Variants in PHF2 observed in about 807,000 individuals in gnomAD.
The protein encoded by PHF2 is lysine-specific demethylase PHF2.
PHF2 carries 27 observed loss-of-function variants against 120.5 expected under a neutral mutation model. That is an observed-to-expected ratio of 0.22 (90% CI 0.17 to 0.31). The LOEUF is 0.31. Among genes scored for constraint, PHF2 ranks in the 10% least tolerant of loss-of-function variants. The pLI, the probability that PHF2 is intolerant of heterozygous loss-of-function variation, is 1.00. For synonymous variants in PHF2, 568 were observed against 592.5 expected (o/e 0.96, Z 0.60); for missense variants, 1,024 against 1,434.8 (o/e 0.71, Z 4.63).
chr9:93,675,664 C>T lies in PHF2; in HGVS notation c.2723-16C>T. 1 of 1,599,860 alleles carries T rather than the reference C, an allele frequency of 6.3e-7. No homozygotes were observed. Among genetic ancestry groups the T allele is most frequent in the Middle Eastern group, 1.7e-4 (1 of 6,006 alleles). On this transcript the variant is annotated splice_polypyrimidine_tract_variant and intron_variant, in intron 19 of 21. Transcript: ENST00000359246. The stretch of plus-strand genomic sequence containing the variant: ...GTGGCCTACAGCTTGAGGGGGCTGG[C>T]CCTTCTTTTCCACAGCAAGGGTCGG...
intron 9 of PHF2, among the ~76,000 whole-genome samples, chr9:93,657,139 A>G (rs1353479535): frequency 1.3e-5 from 2 of 151,840 alleles, no homozygotes; most frequent in African/African-American, 4.8e-5. Context: ...CCTGCCAGCC[A>G]CCACCCTGTC....
chr9:93,668,826 C>T (rs1283415649), intron 17 of PHF2, among the ~76,000 whole-genome samples: 6 of 152,230 alleles, frequency 3.9e-5, no homozygotes, highest in South Asian at 2.1e-4. Context: ...CCACTGAGGC[C>T]GCCGGCCCCC....
At chr9:93,580,918 T>C (rs1217437627) in intron 1 of PHF2, among the ~76,000 whole-genome samples, 1 of 152,010 alleles carries the variant, frequency 6.6e-6, no homozygotes, top group Non-Finnish European at 1.5e-5. Flanking sequence ...GTGTTGCATG[T>C]TGCTGTGGGG....
intron 1 of PHF2, among the ~76,000 whole-genome samples, chr9:93,619,922 C>T (rs1041442485): frequency 6.6e-5 from 10 of 152,336 alleles, no homozygotes; most frequent in African/African-American, 2.4e-4. Context: ...CAGGCACCGC[C>T]TCTCTCAGCT....
intron 1 of PHF2, among the ~76,000 whole-genome samples, chr9:93,608,673 A>T (rs576528780): frequency 1.3e-5 from 2 of 152,126 alleles, no homozygotes; most frequent in African/African-American, 4.8e-5. Context: ...TTGACAGAGT[A>T]TATCTTTTGA....
Position 93,673,704 on chromosome 9 carries a change from G to T in PHF2, c.2468G>T (p.Ser823Ile). The T allele has an allele frequency of 6.2e-7, 1 of 1,613,248 alleles. No homozygotes were observed. ...TTWGAGQAKG[S>I]SLAAHGARKN... The stretch of plus-strand genomic sequence containing the variant: ...TGGGGAGCTGGCCAGGCCAAGGGGA[G>T]CTCGCTGGCTGCCCATGGTGCCCGG... Residue 823 changes from serine (S) to isoleucine (I), a missense_variant, in exon 18 of 22, where the codon AGC becomes ATC. Transcript: ENST00000359246.
chr9:93,650,262 C>T (rs1160856833), intron 5 of PHF2, among the ~76,000 whole-genome samples: 2 of 152,020 alleles, frequency 1.3e-5, no homozygotes, highest in Non-Finnish European at 2.9e-5. Context: ...CACTTGTGGG[C>T]ACACTCATAC....
chr9:93,583,659 A>G (rs1474535989), intron 1 of PHF2, among the ~76,000 whole-genome samples: 2 of 152,104 alleles, frequency 1.3e-5, no homozygotes, highest in African/African-American at 2.4e-5. Flanking sequence ...CTACTGACCA[A>G]TGATGTTGAA....
Position 93,662,964 on chromosome 9 carries a change from G to A in PHF2, c.1756G>A (p.Val586Met), listed in dbSNP as rs1174307506. ...AGATGTGGTTCACATGCAGAATGATGTGGAGAGGCTGGAAATTCGAGAGCA... is the reference window on the plus strand; with the variant it reads ...AGATGTGGTTCACATGCAGAATGATATGGAGAGGCTGGAAATTCGAGAGCA... Reference protein sequence around the residue: ...NKDVVHMQNDVERLEIREQTK... With the variant: ...NKDVVHMQNDMERLEIREQTK... The change falls in exon 13 of 22, where the codon GTG becomes ATG. Residue 586 changes from valine to methionine, a missense_variant. By Grantham distance (21) the Val-to-Met change is conservative (BLOSUM62 1). Transcript: ENST00000359246. The A allele has an allele frequency of 6.2e-7, 1 of 1,614,026 alleles. No individual in the cohort carries two copies. The highest frequency in any genetic ancestry group is 8.5e-7 in the Non-Finnish European group (1 of 1,180,014).
In PHF2 at chr9:93,677,921, C is replaced by T; in HGVS notation, c.*245C>T. 1 of 503,120 alleles carries T rather than the reference C, an allele frequency of 2.0e-6. No homozygotes were observed. Among genetic ancestry groups the T allele is most frequent in the Non-Finnish European group, 3.5e-6 (1 of 283,462 alleles). The allele number at this position is 503,120 out of a possible 1,614,324, so 31.2% of individuals were successfully genotyped here. ...GATCTGTCCCAGAAAAGCGGCCCTG[C>T]AAGTTTGAGGACCGCTTATTCCACT... On this transcript the variant is annotated 3_prime_UTR_variant, in exon 22 of 22. Coordinates refer to ENST00000359246, the MANE Select transcript of PHF2 (RefSeq NM_005392.4). The surrounding 1 kb of genome is among the most constrained non-coding windows in gnomAD (Gnocchi z 4.4).
chr9:93,608,727 G>A (rs1825585985), intron 1 of PHF2, among the ~76,000 whole-genome samples: 1 of 152,118 alleles, frequency 6.6e-6, no homozygotes, highest in Middle Eastern at 3.2e-3. Context: ...TGTGGGCATA[G>A]TGTTGTTTCA....
At chr9:93,606,513 T>C (rs769588410) in intron 1 of PHF2, among the ~76,000 whole-genome samples, 6 of 152,246 alleles carry the variant, frequency 3.9e-5, no homozygotes, top group Non-Finnish European at 8.8e-5. Context: ...ATATCTTCTT[T>C]AGTGAAGTGT....
intron 1 of PHF2, among the ~76,000 whole-genome samples, chr9:93,584,540 T>C (rs1862998719): frequency 6.6e-6 from 1 of 152,218 alleles, no homozygotes; most frequent in South Asian, 2.1e-4. Context: ...TGGCCAAAAA[T>C]CTTTTGACCG....
intron 3 of PHF2, among the ~76,000 whole-genome samples, chr9:93,640,915 AGTTT>A (rs1200384062): frequency 2.0e-5 from 3 of 152,062 alleles, no homozygotes; most frequent in Non-Finnish European, 2.9e-5. Context: ...AGCTTCTTCT[AGTTT>A]GTTTGTTTGT....
chr9:93,577,632 C>T (rs1328262966), intron 1 of PHF2, among the ~76,000 whole-genome samples: 1 of 152,170 alleles, frequency 6.6e-6, no homozygotes, highest in Admixed American at 6.5e-5. Flanking sequence ...CTTCAGTTTT[C>T]CCCGTTTCTC....
intron 2 of PHF2, among the ~76,000 whole-genome samples, chr9:93,634,046 C>T (rs1826051773): frequency 6.6e-6 from 1 of 152,176 alleles, no homozygotes; most frequent in Non-Finnish European, 1.5e-5. Flanking sequence ...CTCGGTGTTC[C>T]TCGCAGGTGG....
intron 1 of PHF2, among the ~76,000 whole-genome samples, chr9:93,588,666 C>T (rs1587663683): frequency 6.6e-6 from 1 of 152,102 alleles, no homozygotes; most frequent in South Asian, 2.1e-4. Context: ...CTGAGGCAGG[C>T]GGATCACAAG....
At chr9:93,592,299 CG>C (rs1191923272) in intron 1 of PHF2, among the ~76,000 whole-genome samples, 1 of 152,074 alleles carries the variant, frequency 6.6e-6, no homozygotes, top group Non-Finnish European at 1.5e-5. Context: ...GTGGGAGCAG[CG>C]GGGTGATCCC....
chr9:93,630,219 A>G (rs960326058), intron 2 of PHF2, among the ~76,000 whole-genome samples, 164 bp downstream of exon 2: 6 of 152,140 alleles, frequency 3.9e-5, no homozygotes, highest in African/African-American at 1.4e-4. Context: ...AGCCTAGCTT[A>G]CTGTCCCCTG....
Sources: gnomAD v4.1 joint callset for allele counts (sites outside exome capture counted in the v4.1 genomes callset) on GRCh38, gnomAD v4.1.1 for gene constraint, Gnocchi (gnomAD v3.1) non-coding constraint, MANE v1.5 for transcripts, NCBI Gene and HGNC (gene_info 2026-07-23, HGNC 2026-07-21) for gene names.